The following HSD17B14 variants were observed in gnomAD, a reference collection of about 807,000 sequenced individuals.
HSD17B14 encodes the protein hydroxysteroid 17-beta dehydrogenase 14, also known as L-fucose dehydrogenase.
In HSD17B14, 32 loss-of-function variants were observed where a neutral mutation model predicts 32.2. The observed-to-expected ratio is 0.99, with a 90% CI of 0.75 to 1.33. The LOEUF is 1.33. Ranked by LOEUF, HSD17B14 falls within the 40% of genes most tolerant of loss-of-function variation. The pLI, the probability that HSD17B14 is intolerant of heterozygous loss-of-function variation, is 0.00. For synonymous variants in HSD17B14, 140 were observed against 155.4 expected (o/e 0.90, Z 0.74); for missense variants, 370 against 366.5 (o/e 1.01, Z -0.08).
At position 48,836,312 on chromosome 19, in the gene HSD17B14, G is replaced by T; in HGVS notation, c.88+12C>A. 6.2e-7 allele frequency: 1 copy of T among 1,612,630 alleles called. No homozygotes were observed. The highest frequency in any genetic ancestry group is 8.5e-7 in the Non-Finnish European group (1 of 1,179,418). On this transcript the variant is annotated intron_variant, in intron 1 of 8. Coordinates refer to ENST00000263278, the MANE Select transcript of HSD17B14 (RefSeq NM_016246.3). ...CACACTCCACAGCTCCCAGCAGTCA[G>T]ACCCGGCTCACCGAAGGCGCGCACG... is the stretch of plus-strand genomic sequence containing the variant.
At position 48,834,288 on chromosome 19, in the gene HSD17B14, T is replaced by C. The variant is rs190949030; in HGVS notation, c.198A>G (p.Glu66=). The C allele has an allele frequency of 8.7e-6, 14 of 1,613,884 alleles. No individual in the cohort carries two copies. Among genetic ancestry groups the C allele is most frequent in the Middle Eastern group, 3.3e-4 (2 of 6,062 alleles). ...GAACTCGGCTTACCTTCACATCATC[T>C]TCCTGAGTCACATCACAGAGGATAA... The part of the protein sequence containing the change: ...AVFILCDVTQ[E]DDVKTLVSET... Residue 66 remains glutamate, a synonymous_variant, in exon 3 of 9, where the codon GAA becomes GAG. Transcript: ENST00000263278.
intron 5 of HSD17B14, among the ~76,000 whole-genome samples, chr19:48,826,110 G>A (rs536029135): frequency 3.8e-4 from 58 of 152,038 alleles, no homozygotes; most frequent in Admixed American, 6.6e-5. Flanking sequence ...GTGAGCCACC[G>A]TGCCCAGCCC....
chr19:48,817,873 A>T (rs757568163), intron 5 of HSD17B14, among the ~76,000 whole-genome samples: 1 of 152,146 alleles, frequency 6.6e-6, no homozygotes, highest in Admixed American at 6.6e-5. Context: ...TGAGAGTCCC[A>T]TTTCACAAGC....
intron 5 of HSD17B14, among the ~76,000 whole-genome samples, chr19:48,819,722 C>A (rs2035114516): frequency 6.6e-6 from 1 of 152,216 alleles, no homozygotes; most frequent in Non-Finnish European, 1.5e-5. Context: ...CCACACCCAT[C>A]CCCCTCATAA....
intron 3 of HSD17B14, among the ~76,000 whole-genome samples, chr19:48,833,136 G>T (rs1477786265): frequency 6.6e-6 from 1 of 151,538 alleles, no homozygotes; most frequent in East Asian, 1.9e-4. Flanking sequence ...GGGGGAAGCT[G>T]AACTCCCAGG....
At chr19:48,817,682 G>A (rs1275377356) in intron 5 of HSD17B14, among the ~76,000 whole-genome samples, 1 of 152,144 alleles carries the variant, frequency 6.6e-6, no homozygotes, top group Non-Finnish European at 1.5e-5. Flanking sequence ...TTCTTCCCCA[G>A]CACTAAAGGT....
chr19:48,834,148 C>A lies in HSD17B14; in HGVS notation c.210+128G>T, dbSNP rs1225312919. The A allele has an allele frequency of 5.5e-6, 4 of 729,208 alleles. No individual in the cohort carries two copies. The Admixed American group carries it at 6.3e-5, about 12-fold the overall frequency. The allele number at this position is 729,208 out of a possible 1,614,324, so 45.2% of individuals were successfully genotyped here. ...TGTGTGGAGTGACACTGGGTGGAAA[C>A]CTTTGACGAGTCCAGCGGAGCCAGG... On this transcript the variant is annotated intron_variant, in intron 3 of 8. Coordinates refer to ENST00000263278, the MANE Select transcript of HSD17B14 (RefSeq NM_016246.3).
chr19:48,827,614 T>C (rs1003854690), intron 5 of HSD17B14, among the ~76,000 whole-genome samples: 2 of 151,850 alleles, frequency 1.3e-5, no homozygotes, highest in Non-Finnish European at 2.9e-5. Context: ...CTCAGCTCAC[T>C]GCAACCTCCA....
chr19:48,835,311 T>C (rs903748791), intron 2 of HSD17B14, among the ~76,000 whole-genome samples: 1 of 91,912 alleles, frequency 1.1e-5, no homozygotes, highest in Non-Finnish European at 2.0e-5. Context: ...GGGCCTGGAC[T>C]CCTGGGTCTG....
chr19:48,831,870 G>A (rs2035342642), intron 4 of HSD17B14, 111 bp from the exon 5 acceptor site: 1 of 666,526 alleles, frequency 1.5e-6, no homozygotes, highest in Non-Finnish European at 2.7e-6. Context: ...ATGAGGTCAG[G>A]AGTTCAAGAC....
In HSD17B14 at chr19:48,813,475, C is replaced by G. The variant is rs777473902; in HGVS notation, c.620G>C (p.Arg207Pro). 6.2e-7 allele frequency: 1 copy of G among 1,613,170 alleles called. No homozygotes were observed. The highest frequency in any genetic ancestry group is 1.1e-5 in the South Asian group (1 of 90,916). Residue 207 changes from arginine (R) to proline (P), a missense_variant, in exon 8 of 9, where the codon CGA becomes CCA. Transcript: ENST00000263278. ...ALMPDPRATI[R>P]EGMLAQPLGR... ...TTCTACCTGGGCCAGCATGCCCTCT[C>G]GGATTGTGGCCCTAGGGTCTGGCAT...
intron 5 of HSD17B14, among the ~76,000 whole-genome samples, chr19:48,829,922 C>T (rs1372902085): frequency 6.6e-6 from 1 of 152,000 alleles, no homozygotes. Flanking sequence ...GGATTACAGG[C>T]GTAAGCCACC....
intron 2 of HSD17B14, among the ~76,000 whole-genome samples, chr19:48,835,364 G>C (rs1321210302): frequency 8.2e-6 from 1 of 122,668 alleles, no homozygotes; most frequent in Non-Finnish European, 1.7e-5. Context: ...GTCTGAGGGA[G>C]GAGGGGCTGA....
intron 5 of HSD17B14, among the ~76,000 whole-genome samples, chr19:48,816,819 C>CTTTCTTTCTTTCTTTCTTTCTT (rs1555775912): frequency 1.2e-5 from 1 of 86,918 alleles, no homozygotes; most frequent in Non-Finnish European, 2.4e-5. Flanking sequence ...TTCTTTCTTT[C>CTTTCTTTCTTTCTTTCTTTCTT]TTTCTTTTCT....
chr19:48,817,918 C>T (rs953859108), intron 5 of HSD17B14, among the ~76,000 whole-genome samples: 3 of 152,148 alleles, frequency 2.0e-5, no homozygotes, highest in African/African-American at 4.8e-5. Context: ...GATTGACGCC[C>T]GCAGGGCATC....
intron 5 of HSD17B14, among the ~76,000 whole-genome samples, chr19:48,829,635 C>CTTTTTTTTTTTT (rs34096239): frequency 1.3e-5 from 1 of 76,084 alleles, no homozygotes; most frequent in African/African-American, 6.0e-5. Context: ...CCAGGCCTGG[C>CTTTTTTTTTTTT]TTTTTTTTTT....
chr19:48,826,542 T>TATATACAC, intron 5 of HSD17B14, among the ~76,000 whole-genome samples: 32 of 80,116 alleles, frequency 4.0e-4, no homozygotes, highest in African/African-American at 1.6e-3. Flanking sequence ...TATATATATA[T>TATATACAC]ACACACACAC....
At chr19:48,829,715 C>T (rs2035306399) in intron 5 of HSD17B14, among the ~76,000 whole-genome samples, 2 of 146,170 alleles carry the variant, frequency 1.4e-5, no homozygotes. Flanking sequence ...ACGATCTCAG[C>T]TCACTGCAAC....
At chr19:48,824,497 G>A (rs372493708) in intron 5 of HSD17B14, among the ~76,000 whole-genome samples, 1 of 151,278 alleles carries the variant, frequency 6.6e-6, no homozygotes, top group Non-Finnish European at 1.5e-5. Context: ...AGGGCCGGGC[G>A]CAGTGGCTCA....
Sources: gnomAD v4.1 joint callset for allele counts (sites outside exome capture counted in the v4.1 genomes callset) on GRCh38, gnomAD v4.1.1 for gene constraint, MANE v1.5 for transcripts, NCBI Gene and HGNC (gene_info 2026-07-23, HGNC 2026-07-21) for gene names.